Variants in ITPR1 observed in about 807,000 individuals in gnomAD.
ITPR1 encodes the protein inositol 1,4,5-trisphosphate-gated calcium channel ITPR1.
In ITPR1, 96 loss-of-function variants were observed where a neutral mutation model predicts 318.4. The observed-to-expected ratio is 0.30, with a 90% CI of 0.26 to 0.36. ITPR1 has a LOEUF of 0.36. Among genes scored for constraint, ITPR1 ranks in the 10% least tolerant of loss-of-function variants. The probability of loss-of-function intolerance (pLI) is 1.00; values close to 1 mark genes in which losing one functional copy is unlikely to be tolerated. For missense variants in ITPR1, 2,440 were observed against 3,460.2 expected (o/e 0.71, Z 7.40); for synonymous variants, 1,312 against 1,289.9 (o/e 1.02, Z -0.37).
intron 33 of ITPR1, among the ~76,000 whole-genome samples, 179 bp from the exon 34 acceptor site, chr3:4,696,968 C>T (rs1559718121): frequency 6.6e-6 from 1 of 152,052 alleles, no homozygotes; most frequent in Non-Finnish European, 1.5e-5. Context: ...CTTCCAAAAG[C>T]TTTATGGTTT....
intron 5 of ITPR1, among the ~76,000 whole-genome samples, chr3:4,635,466 G>A (rs1451371741): frequency 6.6e-6 from 1 of 151,896 alleles, no homozygotes; most frequent in African/African-American, 2.4e-5. Context: ...TCAGCCTCCC[G>A]AGTAGCTGGG....
intron 4 of ITPR1, among the ~76,000 whole-genome samples, chr3:4,597,446 C>T (rs1356068398): frequency 6.6e-6 from 1 of 152,070 alleles, no homozygotes; most frequent in East Asian, 1.9e-4. Flanking sequence ...CCCACGGAGA[C>T]TGTAGTGTGG....
At chr3:4,527,809 TG>T (rs1208683641) in intron 4 of ITPR1, among the ~76,000 whole-genome samples, 1 of 152,188 alleles carries the variant, frequency 6.6e-6, no homozygotes, top group African/African-American at 2.4e-5. Context: ...TTTTTATTGG[TG>T]CCTTCTTTCC....
intron 46 of ITPR1, among the ~76,000 whole-genome samples, chr3:4,772,253 A>G (rs1364729478): frequency 2.0e-5 from 3 of 152,226 alleles, no homozygotes; most frequent in African/African-American, 7.2e-5. Flanking sequence ...TCTCATAAGG[A>G]GAGAGTGTTC....
At position 4,667,557 on chromosome 3, in the gene ITPR1, G is replaced by C; in HGVS notation, c.1886+8G>C. The C allele has an allele frequency of 1.9e-6, 3 of 1,610,838 alleles. No homozygotes were observed. The highest frequency in any genetic ancestry group is 1.7e-6 in the Non-Finnish European group (2 of 1,178,382). On this transcript the variant is annotated splice_region_variant and intron_variant, in intron 18 of 61. Transcript: ENST00000649015. ...AAAGAACAGGGAGCCCAGGTGAGGCGGGAGTGGGGTCCATGCAGGATGGTG... is the reference window on the plus strand; with the variant it reads ...AAAGAACAGGGAGCCCAGGTGAGGCCGGAGTGGGGTCCATGCAGGATGGTG...
intron 6 of ITPR1, among the ~76,000 whole-genome samples, chr3:4,640,332 G>A (rs1487678520): frequency 6.6e-6 from 1 of 152,170 alleles, no homozygotes; most frequent in Non-Finnish European, 1.5e-5. Flanking sequence ...GCAACCTTTG[G>A]GGTTTAAATG....
At chr3:4,818,987 T>G (rs532115678) in intron 60 of ITPR1, among the ~76,000 whole-genome samples, 5 of 151,788 alleles carry the variant, frequency 3.3e-5, no homozygotes, top group African/African-American at 1.2e-4. Flanking sequence ...ATCGAGGGAG[T>G]CTCTGTGATT....
intron 2 of ITPR1, among the ~76,000 whole-genome samples, chr3:4,512,747 C>A (rs955004361): frequency 7.2e-5 from 11 of 152,136 alleles, no homozygotes; most frequent in Non-Finnish European, 1.2e-4. Context: ...CATTATTTCA[C>A]CCATTGCTCA....
At chr3:4,768,458 A>C in intron 45 of ITPR1, 53 bp from the exon 46 acceptor site, 1 of 1,538,462 alleles carries the variant, frequency 6.5e-7, no homozygotes, top group South Asian at 1.3e-5. Context: ...TGGAGTGGTG[A>C]ATAGGGCCCA....
In ITPR1 at chr3:4,779,654, G is replaced by GGT; in HGVS notation, c.6387+11_6387+12dup. On this transcript the variant is annotated intron_variant, in intron 49 of 61. Coordinates refer to ENST00000649015, the MANE Select transcript of ITPR1 (RefSeq NM_001378452.1). The surrounding 1 kb of genome is among the most constrained non-coding windows in gnomAD (Gnocchi z 4.0). ...TGAGGCCCAAGGAACTGGTGAGTCG[G>GGT]GTGACGGATCTGATGGTAGCACCAA... 1.3e-6 allele frequency: 2 copies of GGT among 1,587,390 alleles called. No homozygotes were observed. The highest frequency in any genetic ancestry group is 1.7e-6 in the Non-Finnish European group (2 of 1,156,742).
intron 40 of ITPR1, among the ~76,000 whole-genome samples, chr3:4,723,416 G>A (rs1409502184): frequency 2.0e-5 from 3 of 152,088 alleles, no homozygotes; most frequent in Non-Finnish European, 2.9e-5. Context: ...AAACGGCTTC[G>A]TAAAATTTTC....
intron 5 of ITPR1, among the ~76,000 whole-genome samples, chr3:4,634,213 C>A (rs1329320368): frequency 6.6e-6 from 1 of 151,794 alleles, no homozygotes; most frequent in Non-Finnish European, 1.5e-5. Flanking sequence ...ATTTAAGATG[C>A]CTTTTTCTTT....
chr3:4,685,055 T>C lies in ITPR1; in HGVS notation c.3565-14T>C, dbSNP rs777220551. 3.1e-6 allele frequency: 5 copies of C among 1,605,056 alleles called. No individual in the cohort carries two copies. Among genetic ancestry groups the C allele is most frequent in the Non-Finnish European group, 4.3e-6 (5 of 1,175,322 alleles). On this transcript the variant is annotated splice_polypyrimidine_tract_variant and intron_variant, in intron 29 of 61. Transcript: ENST00000649015. Reference sequence around the variant, plus strand: ...TTCCTAGTTTTCTGAGACTGATTTCTTTCATTCTACTAGATTTTGATTCGG... The same window carrying C: ...TTCCTAGTTTTCTGAGACTGATTTCCTTCATTCTACTAGATTTTGATTCGG...
chr3:4,804,244 CAGAG>C (rs1336352426), intron 54 of ITPR1, among the ~76,000 whole-genome samples: 4 of 152,152 alleles, frequency 2.6e-5, no homozygotes, highest in African/African-American at 4.8e-5. Context: ...TGGACGGAGA[CAGAG>C]AGAGAATATT....
intron 10 of ITPR1, among the ~76,000 whole-genome samples, chr3:4,650,644 T>TGTGTGCGC (rs1337776997): frequency 1.1e-4 from 3 of 26,516 alleles, no homozygotes; most frequent in African/African-American, 2.2e-4. Flanking sequence ...TGTGTGTGTG[T>TGTGTGCGC]GCGCGCGTCT....
chr3:4,665,436 G>A, intron 17 of ITPR1, 140 bp downstream of exon 17: 1 of 678,112 alleles, frequency 1.5e-6, no homozygotes, highest in Non-Finnish European at 2.3e-6. Context: ...CTCTTGGGAA[G>A]GAAACACAAG....
chr3:4,614,804 G>A (rs1043278609), intron 4 of ITPR1, among the ~76,000 whole-genome samples: 1 of 152,202 alleles, frequency 6.6e-6, no homozygotes. Flanking sequence ...GGAGGAAACA[G>A]GGTTGTTGGA....
At chr3:4,644,504 C>T (rs1462689246) in intron 8 of ITPR1, among the ~76,000 whole-genome samples, 1 of 152,170 alleles carries the variant, frequency 6.6e-6, no homozygotes, top group Non-Finnish European at 1.5e-5. Context: ...ATTGGTGAAG[C>T]CAGAGATGAA....
intron 3 of ITPR1, 88 bp from the exon 4 acceptor site, chr3:4,520,936 G>A: frequency 1.0e-6 from 1 of 974,000 alleles, no homozygotes; most frequent in Non-Finnish European, 1.6e-6. Flanking sequence ...TGTTGCGCAG[G>A]AAAAGCCCTG....
Sources: allele counts gnomAD v4.1 joint callset (sites outside exome capture counted in the v4.1 genomes callset), GRCh38; gene constraint gnomAD v4.1.1; non-coding constraint Gnocchi (gnomAD v3.1); transcripts MANE v1.5; gene names NCBI Gene and HGNC (gene_info 2026-07-23, HGNC 2026-07-21).